The following ANK2 variants were observed in gnomAD, a reference collection of about 807,000 sequenced individuals.
The protein encoded by ANK2 is ankyrin 2, also known as ankyrin-2.
Under a neutral mutation model 360.5 loss-of-function variants are expected in ANK2, and 83 were observed. The ratio of observed to expected loss-of-function variants is 0.23; its 90% CI spans 0.19 to 0.28. ANK2 has a LOEUF of 0.28. Ranked by LOEUF, ANK2 falls within the 10% of genes least tolerant of loss-of-function variation. ANK2 has a pLI of 1.00. For synonymous variants in ANK2, 1,740 were observed against 1,759.5 expected, an observed-to-expected ratio of 0.99 and a Z score of 0.28; for missense variants, 4,201 against 4,795.7, an observed-to-expected ratio of 0.88 and a Z score of 3.66.
At chr4:113,339,545 G>A (rs1167120563) in intron 32 of ANK2, among the ~76,000 whole-genome samples, 1 of 152,188 alleles carries the variant, frequency 6.6e-6, no homozygotes, top group Non-Finnish European at 1.5e-5. Flanking sequence ...TAAGGAAAAG[G>A]AGCGATTGTC....
intron 1 of ANK2, among the ~76,000 whole-genome samples, chr4:112,887,933 AGTTT>A (rs2078879443): frequency 6.6e-6 from 1 of 152,128 alleles, no homozygotes; most frequent in Non-Finnish European, 1.5e-5. Flanking sequence ...TATTTGGCCA[AGTTT>A]TGATAAATAT....
intron 1 of ANK2, among the ~76,000 whole-genome samples, chr4:112,904,266 T>C (rs2084454383): frequency 1.3e-5 from 2 of 152,218 alleles, no homozygotes; most frequent in African/African-American, 4.8e-5. Context: ...TTGGCTACTT[T>C]ACTGAACTCT....
chr4:113,278,617 T>A (rs2153701744), intron 17 of ANK2, 59 bp downstream of exon 17: 2 of 1,529,218 alleles, frequency 1.3e-6, no homozygotes, highest in Non-Finnish European at 1.8e-6. Context: ...TGAAAACACA[T>A]GAGAATTGTC....
chr4:113,216,902 T>A (rs1229133621), intron 4 of ANK2, among the ~76,000 whole-genome samples: 3 of 150,762 alleles, frequency 2.0e-5, no homozygotes, highest in Non-Finnish European at 4.4e-5. Context: ...TTTTTTTTTT[T>A]AAAGGAAAGG....
At chr4:113,087,443 T>C (rs930192046) in intron 1 of ANK2, among the ~76,000 whole-genome samples, 2 of 152,202 alleles carry the variant, frequency 1.3e-5, no homozygotes, top group South Asian at 2.1e-4. Flanking sequence ...CTATTTTCTG[T>C]TTTTCATTTG....
chr4:113,093,221 G>A (rs1343670379), intron 1 of ANK2, among the ~76,000 whole-genome samples: 2 of 152,100 alleles, frequency 1.3e-5, no homozygotes, highest in African/African-American at 2.4e-5. Context: ...ATTATATTGG[G>A]TACTTGTAGA....
Position 113,378,101 on chromosome 4 carries a change from C to T in ANK2, c.11860-3356C>T, listed in dbSNP as rs774483273. 167 of 1,266,038 alleles carry T rather than the reference C, an allele frequency of 1.3e-4. No homozygotes were observed. The highest frequency in any genetic ancestry group is 1.5e-4 in the Non-Finnish European group (150 of 967,772). The allele number at this position is 1,266,038 out of a possible 1,614,324, so 78.4% of individuals were successfully genotyped here. On this transcript the variant is annotated intron_variant, in intron 45 of 45. Transcript: ENST00000357077. ...TCTTCTTACTTCAGGCTTTGAGTTA[C>T]ACAGGTAGCCACATGAAAGTCCACT...
At chr4:112,958,490 A>C (rs1175965738) in intron 2 of ANK2, among the ~76,000 whole-genome samples, 1 of 152,178 alleles carries the variant, frequency 6.6e-6, no homozygotes, top group Non-Finnish European at 1.5e-5. Context: ...GGCACTCGGC[A>C]GGCTGAGGCA....
At chr4:112,754,851 T>C in the ANK2 span, among the ~76,000 whole-genome samples, 1 of 152,150 alleles carries the variant, frequency 6.6e-6, no homozygotes, top group Non-Finnish European at 1.5e-5. Flanking sequence ...GATGAAATAT[T>C]GGAAGAACAC....
In ANK2 at chr4:112,842,464, G is replaced by A. The variant is rs191122463; in HGVS notation, c.-40+24200G>A. Among the ~76,000 whole-genome samples, 4 of 152,318 alleles carry A rather than the reference G, an allele frequency of 2.6e-5. No homozygotes were observed. The East Asian group carries it at 7.7e-4, about 29-fold the overall frequency. On this transcript the variant is annotated intron_variant, in intron 1 of 30. Coordinates refer to the ANK2 transcript ENST00000503271. ...CAGTGGTCCCCAACCTTTTTGGCACGAGGGACGGGTTTCATGGAAGACAAT... is the reference window on the plus strand; with the variant it reads ...CAGTGGTCCCCAACCTTTTTGGCACAAGGGACGGGTTTCATGGAAGACAAT...
At chr4:113,177,826 C>T (rs934908988) in intron 2 of ANK2, among the ~76,000 whole-genome samples, 1 of 152,178 alleles carries the variant, frequency 6.6e-6, no homozygotes, top group Admixed American at 6.5e-5. Context: ...ATTCAAGTTT[C>T]ATCTCTACTT....
At chr4:113,317,118 T>G (rs1285513918) in intron 24 of ANK2, among the ~76,000 whole-genome samples, 1 of 152,212 alleles carries the variant, frequency 6.6e-6, no homozygotes, top group African/African-American at 2.4e-5. Context: ...GGAACTCCAC[T>G]TCCGCAGGAA....
chr4:113,353,409 T>G lies in ANK2; in HGVS notation c.4791T>G (p.Asp1597Glu). 1 of 1,613,974 alleles carries G rather than the reference T, an allele frequency of 6.2e-7. No individual in the cohort carries two copies. The highest frequency in any genetic ancestry group is 1.1e-5 in the South Asian group (1 of 91,076). ...LVEEEWVIVS[D>E]EEIEEARQKA... The stretch of plus-strand genomic sequence containing the variant: ...AAGAGGAATGGGTTATTGTCAGTGA[T>G]GAGGAAATAGAAGAGGCTAGGCAAA... Residue 1597 changes from aspartate (D) to glutamate (E), a missense_variant, in exon 38 of 46, where the codon GAT (aspartate) becomes GAG (glutamate). Physicochemically the swap from Asp to Glu is conservative, Grantham distance 45 (BLOSUM62 2). Around this residue, in one of 4 missense-constraint regions of ANK2, gnomAD observed 1,268 missense variants for 1,650.8 expected, o/e 0.77. Transcript: ENST00000357077.
At chr4:112,946,576 C>T (rs991205702) in intron 2 of ANK2, among the ~76,000 whole-genome samples, 2 of 152,152 alleles carry the variant, frequency 1.3e-5, no homozygotes, top group Admixed American at 6.5e-5. Flanking sequence ...TGCAGCTGTC[C>T]ATGCACTATT....
At chr4:113,103,650 A>G (rs1208814266) in intron 1 of ANK2, among the ~76,000 whole-genome samples, 2 of 152,168 alleles carry the variant, frequency 1.3e-5, no homozygotes, top group Non-Finnish European at 2.9e-5. Flanking sequence ...AGCACGTAAG[A>G]TCTTTGGAAA....
At chr4:113,037,719 C>T (rs556573057) in intron 2 of ANK2, among the ~76,000 whole-genome samples, 1 of 152,016 alleles carries the variant, frequency 6.6e-6, no homozygotes, top group East Asian at 1.9e-4. Context: ...GGTAGTTAAG[C>T]AAATTAAATA....
chr4:113,114,956 A>G lies in ANK2; in HGVS notation c.85-59460A>G, dbSNP rs557236851. Among the ~76,000 whole-genome samples, 6 of 152,312 alleles carry G rather than the reference A, an allele frequency of 3.9e-5. No individual in the cohort carries two copies. The East Asian group carries it at 1.2e-3, about 29-fold the overall frequency. On this transcript the variant is annotated intron_variant, in intron 1 of 45. Transcript: ENST00000357077. ...CTATTAAGCTAAATGGACATCCACC[A>G]ATCAAGTAAGACTTGCTTGTTGCGA...
chr4:113,275,973 G>A (rs937869206), intron 15 of ANK2, among the ~76,000 whole-genome samples: 10 of 127,984 alleles, frequency 7.8e-5, no homozygotes, highest in South Asian at 2.4e-4. Context: ...ACGGAGTCTC[G>A]CTCTGTCGCC....
In ANK2 at chr4:112,884,219, C is replaced by T. The variant is rs1292804316; in HGVS notation, c.-39-20236C>T. ...CCCCAAAATGAAACAAACTGGCCTA[C>T]ATTGATTTAAATTATTCTACTTTTT... is the stretch of plus-strand genomic sequence containing the variant. On this transcript the variant is annotated intron_variant, in intron 1 of 30. Coordinates refer to the ANK2 transcript ENST00000503271. Among the ~76,000 whole-genome samples, 3 of 152,104 alleles carry T rather than the reference C, an allele frequency of 2.0e-5. No individual in the cohort carries two copies. The South Asian group carries it at 6.2e-4, about 32-fold the overall frequency.
Sources: allele counts gnomAD v4.1 joint callset (sites outside exome capture counted in the v4.1 genomes callset), GRCh38; gene constraint gnomAD v4.1.1; regional missense constraint gnomAD v4.1.1; transcripts MANE v1.5; gene names NCBI Gene and HGNC (gene_info 2026-07-23, HGNC 2026-07-21).